FBXL7: variants seen among roughly 807,000 people sequenced by gnomAD.
FBXL7 encodes the protein F-box and leucine rich repeat protein 7.
A neutral mutation model predicts 38.3 loss-of-function variants in FBXL7; 12 were observed. That is an observed-to-expected ratio of 0.31 (90% CI 0.20 to 0.51). FBXL7 has a LOEUF of 0.51. Among genes scored for constraint, FBXL7 ranks in the 20% least tolerant of loss-of-function variants. The pLI, the probability that FBXL7 is intolerant of heterozygous loss-of-function variation, is 0.98. For synonymous variants in FBXL7, 297 were observed against 300.9 expected (o/e 0.99, Z 0.13); for missense variants, 567 against 676.4 (o/e 0.84, Z 1.79).
At chr5:15,750,782 C>T (rs971391498) in intron 2 of FBXL7, among the ~76,000 whole-genome samples, 1 of 152,096 alleles carries the variant, frequency 6.6e-6, no homozygotes, top group African/African-American at 2.4e-5. Context: ...CTATCCCTAA[C>T]CACAGTTCTG....
chr5:15,531,498 A>AAGCTG (rs1258313135), intron 1 of FBXL7, among the ~76,000 whole-genome samples: 2 of 152,218 alleles, frequency 1.3e-5, no homozygotes, highest in African/African-American at 2.4e-5. Context: ...GAGAGACAGC[A>AAGCTG]AGCTGAGTGT....
intron 1 of FBXL7, among the ~76,000 whole-genome samples, chr5:15,614,942 T>G (rs897545900): frequency 6.6e-6 from 1 of 152,136 alleles, no homozygotes; most frequent in Admixed American, 6.5e-5. Flanking sequence ...TTTAGTTAAC[T>G]TCTTAGGGAC....
In FBXL7 at chr5:15,863,226, C is replaced by T. The variant is rs144905019; in HGVS notation, c.128-64664C>T. On this transcript the variant is annotated intron_variant, in intron 2 of 3. Transcript: ENST00000504595. ...GTAGCAAAAACCCAAGGATGGAAAGCGAGAAATAGAAGCTTAAGAGAAGAA... is the reference window on the plus strand; with the variant it reads ...GTAGCAAAAACCCAAGGATGGAAAGTGAGAAATAGAAGCTTAAGAGAAGAA... 2.8e-3 allele frequency among the ~76,000 whole-genome samples: 428 copies of T among 152,042 alleles called. 1 individual carries two copies. The highest frequency in any genetic ancestry group is 9.3e-3 in the African/African-American group (387 of 41,492).
chr5:15,722,112 C>A (rs540000735), intron 2 of FBXL7, among the ~76,000 whole-genome samples: 144 of 152,278 alleles, frequency 9.5e-4, no homozygotes, highest in African/African-American at 3.3e-3. Context: ...AGATTACAGG[C>A]GTGAGCCATC....
At chr5:15,785,954 A>G (rs970905534) in intron 2 of FBXL7, among the ~76,000 whole-genome samples, 1 of 152,228 alleles carries the variant, frequency 6.6e-6, no homozygotes, top group Non-Finnish European at 1.5e-5. Context: ...TTCATAATAA[A>G]CAGAAAATAC....
intron 2 of FBXL7, among the ~76,000 whole-genome samples, chr5:15,674,720 A>G (rs965929542): frequency 8.5e-5 from 13 of 152,144 alleles, no homozygotes; most frequent in Admixed American, 3.3e-4. Context: ...ATTTAGCCCA[A>G]TCTCTCCTAA....
In FBXL7 at chr5:15,928,179, A is replaced by T. The variant is rs1431175381; in HGVS notation, c.417A>T (p.Arg139=). Reference sequence around the variant, plus strand: ...CCAACCAGCTGTGCCGCTGCGCGCGAGTGTGCCGCCGCTGGTACAACCTGG... The same window carrying T: ...CCAACCAGCTGTGCCGCTGCGCGCGTGTGTGCCGCCGCTGGTACAACCTGG... The part of the protein sequence containing the change: ...LPTNQLCRCA[R]VCRRWYNLAW... The change falls in exon 3 of 4, where the codon CGA becomes CGT. Residue 139 remains arginine, a synonymous_variant. Transcript: ENST00000504595. This position sits in a 1 kb window ranked among gnomAD's most constrained non-coding sequence, Gnocchi z 4.0. 4 of 1,609,840 alleles carry T rather than the reference A, an allele frequency of 2.5e-6. No homozygotes were observed. The highest frequency in any genetic ancestry group is 3.4e-6 in the Non-Finnish European group (4 of 1,178,534).
chr5:15,756,250 C>T (rs980397685), intron 2 of FBXL7, among the ~76,000 whole-genome samples: 4 of 151,954 alleles, frequency 2.6e-5, no homozygotes, highest in African/African-American at 9.7e-5. Flanking sequence ...AAAATGTAAA[C>T]TTTATACATG....
rs1244825804 is a variant in FBXL7, at chr5:15,725,729, CAT to C, written c.127+109658_127+109659del. Among the ~76,000 whole-genome samples, 15 of 152,194 alleles carry C rather than the reference CAT, an allele frequency of 9.9e-5. No homozygotes were observed. In the East Asian group the frequency reaches 2.9e-3, roughly 29 times the overall value. ...TAGGCTCACTGCAACCTCCATCTCC[CAT>C]GTTCAAGCAATTCTCTGCCTCAGCC... On this transcript the variant is annotated intron_variant, in intron 2 of 3. Transcript: ENST00000504595.
chr5:15,664,469 C>CTTT (rs34999340), intron 2 of FBXL7, among the ~76,000 whole-genome samples: 118 of 105,516 alleles, frequency 1.1e-3, no homozygotes, highest in Middle Eastern at 7.4e-3. Flanking sequence ...TTTTCTTTTC[C>CTTT]TTTTTTTTTT....
intron 2 of FBXL7, among the ~76,000 whole-genome samples, chr5:15,713,095 CA>C (rs1743928016): frequency 6.6e-6 from 1 of 152,146 alleles, no homozygotes; most frequent in Non-Finnish European, 1.5e-5. Context: ...TATAAAGACA[CA>C]CCTGAGACCG....
intron 1 of FBXL7, among the ~76,000 whole-genome samples, chr5:15,584,020 G>A (rs953864634): frequency 2.0e-5 from 3 of 152,124 alleles, no homozygotes; most frequent in Non-Finnish European, 2.9e-5. Flanking sequence ...TGTGGAAGTC[G>A]ACAAGGCCTG....
chr5:15,701,036 T>C (rs1322974382), intron 2 of FBXL7, among the ~76,000 whole-genome samples: 1 of 152,168 alleles, frequency 6.6e-6, no homozygotes, highest in African/African-American at 2.4e-5. Context: ...TATATGTATA[T>C]TGTGTCTTGC....
intron 2 of FBXL7, among the ~76,000 whole-genome samples, chr5:15,803,162 C>CA (rs1390532954): frequency 2.0e-5 from 3 of 152,096 alleles, no homozygotes; most frequent in Non-Finnish European, 4.4e-5. Flanking sequence ...AAATCAGCTA[C>CA]AAAAAATGTA....
intron 1 of FBXL7, among the ~76,000 whole-genome samples, chr5:15,614,348 C>T (rs1351102930): frequency 6.6e-6 from 1 of 151,738 alleles, no homozygotes; most frequent in Non-Finnish European, 1.5e-5. Context: ...TGGCTCACTG[C>T]AACCTCCGCC....
At chr5:15,505,240 C>G (rs1008339006) in intron 1 of FBXL7, among the ~76,000 whole-genome samples, 15 of 152,182 alleles carry the variant, frequency 9.9e-5, no homozygotes, top group Non-Finnish European at 1.8e-4. Context: ...CCCACTTCAT[C>G]CTCGCAAGGA....
chr5:15,893,488 T>G (rs1740994489), intron 2 of FBXL7, among the ~76,000 whole-genome samples: 1 of 152,208 alleles, frequency 6.6e-6, no homozygotes. Flanking sequence ...CTGAATAATT[T>G]ATGTTAATAA....
intron 1 of FBXL7, among the ~76,000 whole-genome samples, chr5:15,576,642 C>G (rs996740015): frequency 6.6e-6 from 1 of 152,080 alleles, no homozygotes; most frequent in Non-Finnish European, 1.5e-5. Flanking sequence ...GTTTGCTTAA[C>G]TTAATGGCTG....
At chr5:15,815,098 G>T (rs1038363866) in intron 2 of FBXL7, among the ~76,000 whole-genome samples, 3 of 152,108 alleles carry the variant, frequency 2.0e-5, no homozygotes, top group Admixed American at 1.3e-4. Context: ...TTACATTTTT[G>T]TGTTCTACCA....
Sources: allele counts gnomAD v4.1 joint callset (sites outside exome capture counted in the v4.1 genomes callset), GRCh38; gene constraint gnomAD v4.1.1; non-coding constraint Gnocchi (gnomAD v3.1); transcripts MANE v1.5; gene names NCBI Gene and HGNC (gene_info 2026-07-23, HGNC 2026-07-21).